The following SORBS2 variants were observed in gnomAD, a reference collection of about 807,000 sequenced individuals.
The protein encoded by SORBS2 is sorbin and SH3 domain-containing protein 2.
SORBS2 carries 46 observed loss-of-function variants against 97.7 expected under a neutral mutation model. The observed-to-expected ratio is 0.47, with a 90% CI of 0.37 to 0.60. The LOEUF (loss-of-function observed/expected upper bound fraction) is 0.60, where lower values mean the gene tolerates loss of function less well. SORBS2 is among the 20% of genes least tolerant of loss of function. The pLI is 0.00. For missense variants in SORBS2, 1,316 were observed against 1,282.3 expected (o/e 1.03, Z -0.40); for synonymous variants, 476 against 473.4 (o/e 1.01, Z -0.07).
rs1181008953 is a variant in SORBS2 at position 185,709,320 on chromosome 4, T to TTTTTTTTTTTC, written c.-197-30499_-197-30498insGAAAAAAAAAA. ...TGGCCAAATCTTTTTTTTTTTTTTTTTTTTAGTAAAAGGAAACTAAAGTTA... is the reference window on the plus strand; with the variant it reads ...TGGCCAAATCTTTTTTTTTTTTTTTTTTTTTTTTTTCTTTTAGTAAAAGGAAACTAAAGTTA... On this transcript the variant is annotated intron_variant, in intron 2 of 20. Transcript: ENST00000284776. Among the ~76,000 whole-genome samples, 268 of 140,988 alleles carry TTTTTTTTTTTC rather than the reference T, an allele frequency of 1.9e-3. 1 individual carries two copies. The highest frequency in any genetic ancestry group is 6.6e-3 in the African/African-American group (250 of 37,756). The allele number at this position is 140,988 out of a possible 152,430, so 92.5% of individuals were successfully genotyped here.
At chr4:185,855,617 G>T (rs562179736) in intron 1 of SORBS2, among the ~76,000 whole-genome samples, 2 of 152,144 alleles carry the variant, frequency 1.3e-5, no homozygotes, top group African/African-American at 2.4e-5. Context: ...TAAAAGCAAA[G>T]TAAGAAAGGT....
chr4:185,660,322 G>A (rs1163217759), upstream of SORBS2, among the ~76,000 whole-genome samples: 1 of 152,108 alleles, frequency 6.6e-6, no homozygotes, highest in Non-Finnish European at 1.5e-5. Context: ...AATTTGTCGA[G>A]TTTTACTTTA....
At chr4:185,803,237 C>T (rs1006512104) in intron 1 of SORBS2, among the ~76,000 whole-genome samples, 1 of 152,162 alleles carries the variant, frequency 6.6e-6, no homozygotes, top group African/African-American at 2.4e-5. Flanking sequence ...AATTCATTAA[C>T]AGAACATTCC....
rs183993771 is a variant in SORBS2 at position 185,713,450 on chromosome 4, G to C, written c.-197-34628C>G. ...TCCCACCACAAGGATTAGCTCAGAA[G>C]AGCAGAGACTTTCATCAGGAGAACG... is the stretch of plus-strand genomic sequence containing the variant. On this transcript the variant is annotated intron_variant, in intron 2 of 20. Transcript: ENST00000284776. Among the ~76,000 whole-genome samples the C allele has an allele frequency of 1.2e-4, 19 of 152,316 alleles. No homozygotes were observed. The East Asian group carries it at 3.3e-3, about 26-fold the overall frequency.
chr4:185,851,492 T>A lies in SORBS2; in HGVS notation c.-337-76126A>T, dbSNP rs6853705. ...ACAAGCTGTCCTTTTGGGATTTTTT[T>A]AAAATCATATTCACATATATATATA... is the stretch of plus-strand genomic sequence containing the variant. On this transcript the variant is annotated intron_variant, in intron 1 of 20. Coordinates refer to the SORBS2 transcript ENST00000284776. Among the ~76,000 whole-genome samples the A allele has an allele frequency of 6.6e-3, 1,010 of 152,306 alleles. 12 individuals carry two copies. Among genetic ancestry groups the A allele is most frequent in the African/African-American group, 0.023 (952 of 41,556 alleles).
rs945466991 is a variant in SORBS2, at chr4:185,630,323, C to G, written c.446+226G>C. Among the ~76,000 whole-genome samples the G allele has an allele frequency of 3.9e-4, 59 of 152,002 alleles. 1 individual carries two copies. The highest frequency in any genetic ancestry group is 1.4e-3 in the African/African-American group (58 of 41,392). On this transcript the variant is annotated intron_variant, in intron 5 of 14. Transcript: ENST00000418609. The stretch of plus-strand genomic sequence containing the variant: ...GGGGACTAAGGGAAGAGAAGGATTT[C>G]TCAGTCTGTGAAGGAATTTATAATT...
At chr4:185,659,975 T>C (rs1220272724), upstream of SORBS2, among the ~76,000 whole-genome samples, 1 of 152,224 alleles carries the variant, frequency 6.6e-6, no homozygotes, top group Non-Finnish European at 1.5e-5. Flanking sequence ...TTCTCATATA[T>C]GGTCCACTAG....
chr4:185,725,945 G>C (rs1402777618), intron 2 of SORBS2, among the ~76,000 whole-genome samples: 2 of 151,582 alleles, frequency 1.3e-5, no homozygotes, highest in African/African-American at 2.4e-5. Flanking sequence ...TTGTTTTTTA[G>C]TCAAACTGAA....
At chr4:185,734,233 T>A (rs542984332) in intron 2 of SORBS2, 79 bp from the exon 3 acceptor site, 1 of 152,558 alleles carries the variant, frequency 6.6e-6, no homozygotes, top group East Asian at 1.9e-4. Context: ...AGCGGCGAGA[T>A]CAAACTGAGG....
At chr4:185,593,890 C>T (rs1158291789) in exon 13 of SORBS2, 2 of 1,589,640 alleles carry the variant, frequency 1.3e-6, no homozygotes, top group Admixed American at 1.7e-5. Context: ...ACTTACGGTT[C>T]CCCCCCACCT....
chr4:185,866,674 A>G (rs2099227072), intron 1 of SORBS2, among the ~76,000 whole-genome samples: 1 of 152,364 alleles, frequency 6.6e-6, no homozygotes, highest in Non-Finnish European at 1.5e-5. Flanking sequence ...TCTAATCTAC[A>G]TAACAAATTA....
intron 1 of SORBS2, among the ~76,000 whole-genome samples, chr4:185,787,297 G>A (rs2099060807): frequency 6.6e-6 from 1 of 152,174 alleles, no homozygotes; most frequent in South Asian, 2.1e-4. Flanking sequence ...ATAATGAATA[G>A]CAGGCTTGAC....
chr4:185,630,052 G>C (rs916786135), intron 5 of SORBS2, among the ~76,000 whole-genome samples: 6 of 152,042 alleles, frequency 3.9e-5, no homozygotes, highest in African/African-American at 1.4e-4. Flanking sequence ...CAGAGATAAA[G>C]TGGGGACAAT....
intron 12 of SORBS2, 79 bp downstream of exon 24, chr4:185,611,701 C>A: frequency 9.1e-7 from 1 of 1,104,680 alleles, no homozygotes; most frequent in South Asian, 1.4e-5. Flanking sequence ...ATATTCTAAT[C>A]TAATATCCTA....
chr4:185,599,220 C>A (rs143093528), intron 12 of SORBS2, among the ~76,000 whole-genome samples: 1 of 152,076 alleles, frequency 6.6e-6, no homozygotes, highest in African/African-American at 2.4e-5. Flanking sequence ...CACGGCCATG[C>A]GATAGGCCAG....
At chr4:185,756,608 T>A (rs2153604666) in intron 2 of SORBS2, among the ~76,000 whole-genome samples, 1 of 152,180 alleles carries the variant, frequency 6.6e-6, no homozygotes, top group East Asian at 1.9e-4. Flanking sequence ...ACAGGTAATA[T>A]GTAATATAAG....
intron 2 of SORBS2, among the ~76,000 whole-genome samples, chr4:185,746,271 C>G (rs1199681410): frequency 6.6e-6 from 1 of 152,144 alleles, no homozygotes; most frequent in Admixed American, 6.5e-5. Context: ...CGATGGATTT[C>G]TTTGGATCCA....
At chr4:185,605,745 T>C (rs1170078378) in intron 12 of SORBS2, among the ~76,000 whole-genome samples, 1 of 152,138 alleles carries the variant, frequency 6.6e-6, no homozygotes, top group East Asian at 1.9e-4. Context: ...CCACCACGCC[T>C]GGCTAGTTTT....
At chr4:185,727,964 CATTGAAA>C in intron 2 of SORBS2, among the ~76,000 whole-genome samples, 1 of 152,288 alleles carries the variant, frequency 6.6e-6, no homozygotes, top group East Asian at 1.9e-4. Context: ...AGGAGTTAGA[CATTGAAA>C]AACACTTAAA....
Sources: allele counts gnomAD v4.1 joint callset (sites outside exome capture counted in the v4.1 genomes callset), GRCh38; gene constraint gnomAD v4.1.1; transcripts MANE v1.5; gene names NCBI Gene and HGNC (gene_info 2026-07-23, HGNC 2026-07-21).